The following UMOD variants were observed in gnomAD, a reference collection of about 807,000 sequenced individuals.
The protein encoded by UMOD is Tamm-Horsfall urinary glycoprotein.
UMOD carries 64 observed loss-of-function variants against 66.0 expected under a neutral mutation model. That is an observed-to-expected ratio of 0.97 (90% CI 0.79 to 1.19). UMOD has a LOEUF of 1.19. Ranked by LOEUF, UMOD falls within the 50% of genes most tolerant of loss-of-function variation. UMOD has a pLI of 0.00. For synonymous variants in UMOD, 398 were observed against 352.7 expected (o/e 1.13, Z -1.44); for missense variants, 764 against 850.9 (o/e 0.90, Z 1.27).
At chr16:20,335,388 T>C in intron 10 of UMOD, 94 bp downstream of exon 10, 1 of 1,333,212 alleles carries the variant, frequency 7.5e-7, no homozygotes, top group Non-Finnish European at 1.1e-6. Context: ...ACACCTCCCT[T>C]ATAGAGTTGC....
At chr16:20,338,389 C>T (rs181529209) in intron 7 of UMOD, among the ~76,000 whole-genome samples, 2 of 152,258 alleles carry the variant, frequency 1.3e-5, no homozygotes, top group Admixed American at 1.3e-4. Context: ...TAGTTCTCAC[C>T]CCAGCTCCCA....
intron 10 of UMOD, among the ~76,000 whole-genome samples, chr16:20,335,069 G>T (rs942426180): frequency 7.9e-5 from 12 of 152,022 alleles, no homozygotes; most frequent in African/African-American, 2.9e-4. Context: ...CTTGTGATCC[G>T]CCCGCCTCAG....
At chr16:20,352,731 C>T (rs1404573006), upstream of UMOD, 3 of 1,231,520 alleles carry the variant, frequency 2.4e-6, no homozygotes, top group East Asian at 9.5e-5. Context: ...TGATGTGCCT[C>T]ATACTTATAT....
chr16:20,343,360 T>A (rs1326009984), intron 6 of UMOD, among the ~76,000 whole-genome samples: 1 of 152,124 alleles, frequency 6.6e-6, no homozygotes, highest in Admixed American at 6.5e-5. Context: ...CCAAGACACT[T>A]GCAAGGAGCG....
chr16:20,334,016 A>G (rs986909374), intron 10 of UMOD, among the ~76,000 whole-genome samples: 2 of 137,328 alleles, frequency 1.5e-5, no homozygotes, highest in African/African-American at 5.5e-5. Flanking sequence ...CCTGGGTGAC[A>G]GAGCAGATTC....
In UMOD at chr16:20,333,168, C is replaced by G; in HGVS notation, c.*146G>C. On this transcript the variant is annotated 3_prime_UTR_variant, in exon 11 of 11. Transcript: ENST00000396138. ...TTTAAAGACACAGGCTGTTTCTCGA[C>G]AGCCAGGATTAAAAGGGAGAAAAGA... 2.3e-6 allele frequency: 2 copies of G among 856,038 alleles called. No individual in the cohort carries two copies. Among genetic ancestry groups the G allele is most frequent in the South Asian group, 2.9e-5 (2 of 68,906 alleles). 53.0% of individuals were successfully genotyped at this position (856,038 alleles called of 1,614,324 possible). A position where few individuals can be genotyped will look rare whatever the true frequency, so the allele number is the denominator to read the frequency against.
chr16:20,344,381 T>A (rs1965419445), intron 5 of UMOD, among the ~76,000 whole-genome samples: 1 of 152,036 alleles, frequency 6.6e-6, no homozygotes, highest in Non-Finnish European at 1.5e-5. Flanking sequence ...GGCAGGCGGA[T>A]CACCTGAGGT....
At chr16:20,354,091 T>A (rs535933137), upstream of UMOD, among the ~76,000 whole-genome samples, 1 of 152,346 alleles carries the variant, frequency 6.6e-6, no homozygotes, top group Admixed American at 6.5e-5. Context: ...TGAACTCATA[T>A]TTTTTATGGC....
Position 20,348,880 on chromosome 16 carries a change from A to G in UMOD, c.421T>C (p.Tyr141His), listed in dbSNP as rs774085258. ...GSYLCVCPAG[Y>H]RGDGWHCECS... Reference sequence around the variant, plus strand: ...TCACAGTGCCATCCATCCCCCCGGTAGCCCGCGGGGCATACGCACAAGTAG... The same window carrying G: ...TCACAGTGCCATCCATCCCCCCGGTGGCCCGCGGGGCATACGCACAAGTAG... Residue 141 changes from tyrosine (Y) to histidine (H), a missense_variant, in exon 3 of 11, where the codon TAC becomes CAC. Tyr to His is a moderately conservative substitution (Grantham distance 83). Transcript: ENST00000396138. 1.3e-6 allele frequency: 2 copies of G among 1,551,508 alleles called. No individual in the cohort carries two copies. The highest frequency in any genetic ancestry group is 1.7e-6 in the Non-Finnish European group (2 of 1,148,362).
rs971431910 is a variant in UMOD at position 20,333,677 on chromosome 16, C to G, written c.1862-302G>C. Among the ~76,000 whole-genome samples, 3 of 152,184 alleles carry G rather than the reference C, an allele frequency of 2.0e-5. No homozygotes were observed. The South Asian group carries it at 6.2e-4, about 31-fold the overall frequency. On this transcript the variant is annotated intron_variant, in intron 10 of 10. Coordinates refer to ENST00000396138, the MANE Select transcript of UMOD (RefSeq NM_003361.4). ...GGGGATAGTCACAGAGAGCAAGCCT[C>G]TTAGGAGTGCTGTGACTCTCCATCT...
intron 2 of UMOD, among the ~76,000 whole-genome samples, chr16:20,349,478 C>A (rs1462363686): frequency 6.6e-6 from 1 of 152,136 alleles, no homozygotes; most frequent in African/African-American, 2.4e-5. Context: ...GGCTGGAGTG[C>A]AGTAGTGCGA....
Position 20,333,200 on chromosome 16 carries a change from G to C in UMOD, c.*114C>G. On this transcript the variant is annotated 3_prime_UTR_variant, in exon 11 of 11. Coordinates refer to ENST00000396138, the MANE Select transcript of UMOD (RefSeq NM_003361.4). ...GATTAAAAGGGAGAAAAGAAGGCAG[G>C]CTGAACAAAGCATGAACTTTCTTTT... is the stretch of plus-strand genomic sequence containing the variant. 9.1e-7 allele frequency: 1 copy of C among 1,096,738 alleles called. No homozygotes were observed. Among genetic ancestry groups the C allele is most frequent in the Non-Finnish European group, 1.4e-6 (1 of 733,568 alleles). 67.9% of individuals were successfully genotyped at this position (1,096,738 alleles called of 1,614,324 possible). A position where few individuals can be genotyped will look rare whatever the true frequency, so the allele number is the denominator to read the frequency against.
In UMOD at chr16:20,334,835, ATT is replaced by A. The variant is rs11365132; in HGVS notation, c.1861+645_1861+646del. On this transcript the variant is annotated intron_variant, in intron 10 of 10. Transcript: ENST00000396138. ...AGCACTCAAGGAATATTTGTCACCTATTTTTTTTTTTTTTTTGAGATGGATCT... is the reference window on the plus strand; with the variant it reads ...AGCACTCAAGGAATATTTGTCACCTATTTTTTTTTTTTTTGAGATGGATCT... Among the ~76,000 whole-genome samples, 430 of 137,858 alleles carry A rather than the reference ATT, an allele frequency of 3.1e-3. 3 individuals are homozygous for A. Among genetic ancestry groups the A allele is most frequent in the African/African-American group, 9.0e-3 (336 of 37,192 alleles). The allele number at this position is 137,858 out of a possible 152,430, so 90.4% of individuals were successfully genotyped here.
At chr16:20,345,439 TTTC>T (rs140758974) in intron 5 of UMOD, among the ~76,000 whole-genome samples, 64,995 of 122,644 alleles carry the variant, frequency 0.53, 19,325 homozygotes, top group Non-Finnish European at 0.65. Flanking sequence ...TCTTTCTTTC[TTTC>T]TTCCTTTCTT....
chr16:20,334,923 C>A (rs1462338277), intron 10 of UMOD, among the ~76,000 whole-genome samples: 2 of 151,796 alleles, frequency 1.3e-5, no homozygotes, highest in Admixed American at 6.6e-5. Flanking sequence ...CCTCTGCCCC[C>A]CGTGGTTCAA....
At chr16:20,339,310 A>G (rs1965057161) in intron 7 of UMOD, among the ~76,000 whole-genome samples, 1 of 152,182 alleles carries the variant, frequency 6.6e-6, no homozygotes, top group African/African-American at 2.4e-5. Context: ...GTGTCCCAAC[A>G]TCTGTATTAT....
At position 20,344,168 on chromosome 16, in the gene UMOD, T is replaced by C. The variant is rs1481027280; in HGVS notation, c.1187A>G (p.Asn396Ser). The C allele has an allele frequency of 7.0e-6, 11 of 1,569,710 alleles. No homozygotes were observed. Among genetic ancestry groups the C allele is most frequent in the Non-Finnish European group, 9.5e-6 (11 of 1,153,792 alleles). The change falls in exon 6 of 11, where the codon AAT (asparagine) becomes AGT (serine). Residue 396 changes from asparagine to serine, a missense_variant. Asn to Ser is a conservative substitution (Grantham distance 46). Transcript: ENST00000396138. The part of the protein sequence containing the change: ...DGPCGTVLTR[N>S]ETHATYSNTL... ...GTTGCTGTAAGTGGCATGGGTTTCA[T>C]TCCTCTGTTGCAGGGAATGGGGGTG...
At chr16:20,340,643 C>T (rs1301557598) in intron 7 of UMOD, among the ~76,000 whole-genome samples, 3 of 151,906 alleles carry the variant, frequency 2.0e-5, no homozygotes, top group Non-Finnish European at 4.4e-5. Context: ...TAGTTTGTTG[C>T]CTGTATTTAT....
intron 8 of UMOD, 71 bp downstream of exon 8, chr16:20,337,220 T>C: frequency 6.3e-7 from 1 of 1,575,122 alleles, no homozygotes; most frequent in Non-Finnish European, 8.7e-7. Context: ...GGAAGAAATA[T>C]TGATTTGTTT....
Sources: gnomAD v4.1 joint callset for allele counts (sites outside exome capture counted in the v4.1 genomes callset) on GRCh38, gnomAD v4.1.1 for gene constraint, MANE v1.5 for transcripts, NCBI Gene and HGNC (gene_info 2026-07-23, HGNC 2026-07-21) for gene names.